RBMS3: variants seen among roughly 807,000 people sequenced by gnomAD.
RBMS3 encodes RNA-binding motif, single-stranded-interacting protein 3.
RBMS3 carries 27 observed loss-of-function variants against 66.8 expected under a neutral mutation model. The observed-to-expected ratio is 0.40, with a 90% CI of 0.30 to 0.56. RBMS3 has a LOEUF of 0.56. Ranked by LOEUF, RBMS3 falls within the 20% of genes least tolerant of loss-of-function variation. The pLI is 0.40. For synonymous variants in RBMS3, 188 were observed against 183.0 expected (o/e 1.03, Z -0.22); for missense variants, 513 against 549.5 (o/e 0.93, Z 0.66).
chr3:29,685,395 A>G (rs1433125397), intron 4 of RBMS3, among the ~76,000 whole-genome samples: 1 of 152,020 alleles, frequency 6.6e-6, no homozygotes, highest in Admixed American at 6.5e-5. Context: ...GAGTTTTAAT[A>G]CGTTCTGTAT....
intron 6 of RBMS3, among the ~76,000 whole-genome samples, chr3:29,860,092 G>A (rs1226201615): frequency 1.3e-5 from 2 of 152,320 alleles, no homozygotes; most frequent in East Asian, 1.9e-4. Flanking sequence ...ATGGGTTCCA[G>A]CATACAGTTA....
At chr3:29,717,861 G>T (rs552268234) in intron 4 of RBMS3, among the ~76,000 whole-genome samples, 1 of 152,166 alleles carries the variant, frequency 6.6e-6, no homozygotes, top group East Asian at 1.9e-4. Context: ...TGGCTTTTCT[G>T]CATCCTTAAC....
At chr3:29,454,395 C>T (rs1366879052) in intron 2 of RBMS3, among the ~76,000 whole-genome samples, 1 of 152,162 alleles carries the variant, frequency 6.6e-6, no homozygotes, top group Admixed American at 6.5e-5. Flanking sequence ...ACTGTGTCCT[C>T]CATGTTGATT....
intron 4 of RBMS3, among the ~76,000 whole-genome samples, chr3:29,668,759 G>A (rs7622575): frequency 0.11 from 17,383 of 152,202 alleles, 2,149 homozygotes; most frequent in African/African-American, 0.31. Flanking sequence ...TTAAGAGCTT[G>A]CCTGATCCTT....
intron 1 of RBMS3, among the ~76,000 whole-genome samples, chr3:29,315,613 A>C (rs1276677764): frequency 6.6e-6 from 1 of 151,702 alleles, no homozygotes; most frequent in African/African-American, 2.4e-5. Context: ...GGATCTACAT[A>C]ATTGTTTTAT....
intron 1 of RBMS3, among the ~76,000 whole-genome samples, chr3:29,372,361 A>C (rs1187924322): frequency 6.6e-6 from 1 of 152,056 alleles, no homozygotes; most frequent in Non-Finnish European, 1.5e-5. Flanking sequence ...CAAAGCATTG[A>C]TTTTATTTTA....
intron 1 of RBMS3, among the ~76,000 whole-genome samples, chr3:29,301,787 TTA>T (rs2125447007): frequency 6.6e-6 from 1 of 152,116 alleles, no homozygotes; most frequent in South Asian, 2.1e-4. Context: ...TAAAACTGAT[TTA>T]TGTTTCTTTC....
chr3:29,345,399 C>G (rs1378398061), intron 1 of RBMS3, among the ~76,000 whole-genome samples: 1 of 152,162 alleles, frequency 6.6e-6, no homozygotes, highest in Non-Finnish European at 1.5e-5. Flanking sequence ...TAACAAGAAG[C>G]TCTACATTCT....
chr3:29,747,208 C>A (rs1288433511), intron 5 of RBMS3, among the ~76,000 whole-genome samples: 1 of 152,096 alleles, frequency 6.6e-6, no homozygotes, highest in African/African-American at 2.4e-5. Context: ...GTGAATTGGG[C>A]CAATACATTT....
In RBMS3 at chr3:29,492,819, A is replaced by C. The variant is rs553829247; in HGVS notation, c.307+4320A>C. Among the ~76,000 whole-genome samples, 130 of 152,314 alleles carry C rather than the reference A, an allele frequency of 8.5e-4. 2 individuals are homozygous for C. The highest frequency in any genetic ancestry group is 3.4e-3 in the Admixed American group (52 of 15,310). On this transcript the variant is annotated intron_variant, in intron 3 of 14. Coordinates refer to ENST00000383767, the MANE Select transcript of RBMS3 (RefSeq NM_001003793.3). Reference sequence around the variant, plus strand: ...TAGTGATGGGAAACATGCAAATTAAAGCAATATGCAGTGATAGTTTATAAC... The same window carrying C: ...TAGTGATGGGAAACATGCAAATTAACGCAATATGCAGTGATAGTTTATAAC...
At chr3:29,321,898 G>A (rs2035029230) in intron 1 of RBMS3, among the ~76,000 whole-genome samples, 1 of 151,956 alleles carries the variant, frequency 6.6e-6, no homozygotes, top group South Asian at 2.1e-4. Context: ...GCTCTAAATG[G>A]TTTCCTTTTA....
intron 4 of RBMS3, among the ~76,000 whole-genome samples, chr3:29,719,122 G>A (rs2053531317): frequency 6.7e-6 from 1 of 150,236 alleles, no homozygotes; most frequent in Admixed American, 6.6e-5. Flanking sequence ...TATATCTGGG[G>A]TGGGGCCTAA....
At chr3:29,727,454 T>G (rs1477184838) in intron 4 of RBMS3, among the ~76,000 whole-genome samples, 1 of 152,180 alleles carries the variant, frequency 6.6e-6, no homozygotes, top group Non-Finnish European at 1.5e-5. Flanking sequence ...AGAAAATTTT[T>G]GCAATCTACC....
intron 1 of RBMS3, among the ~76,000 whole-genome samples, chr3:29,293,217 A>G (rs2032964609): frequency 6.6e-6 from 1 of 151,788 alleles, no homozygotes; most frequent in Admixed American, 6.6e-5. Context: ...TGTATCTAAC[A>G]TATTCATATA....
intron 6 of RBMS3, among the ~76,000 whole-genome samples, chr3:29,786,622 C>T (rs549304536): frequency 6.6e-6 from 1 of 151,994 alleles, no homozygotes; most frequent in Non-Finnish European, 1.5e-5. Context: ...ATGGTGCTGG[C>T]ATAATTGGCA....
intron 5 of RBMS3, among the ~76,000 whole-genome samples, chr3:29,759,989 A>G (rs981577279): frequency 2.0e-5 from 3 of 152,154 alleles, no homozygotes; most frequent in Admixed American, 6.6e-5. Context: ...AAAGGCTCAC[A>G]GCAGACATTC....
intron 1 of RBMS3, among the ~76,000 whole-genome samples, chr3:29,409,306 C>T (rs7619163): frequency 4.7e-5 from 7 of 150,190 alleles, no homozygotes; most frequent in African/African-American, 1.5e-4. Context: ...ACCTCAGTTG[C>T]GGCACCTCAG....
At chr3:29,407,911 C>A (rs1168207884) in intron 1 of RBMS3, among the ~76,000 whole-genome samples, 1 of 151,982 alleles carries the variant, frequency 6.6e-6, no homozygotes, top group Non-Finnish European at 1.5e-5. Flanking sequence ...ATATTAATAT[C>A]CTTAAGAGAC....
At chr3:29,591,747 T>C (rs1307241839) in intron 4 of RBMS3, among the ~76,000 whole-genome samples, 2 of 152,232 alleles carry the variant, frequency 1.3e-5, no homozygotes, top group Non-Finnish European at 2.9e-5. Flanking sequence ...CTTTCTTATT[T>C]GCTTTCTGTC....
Sources: gnomAD v4.1 joint callset for allele counts (sites outside exome capture counted in the v4.1 genomes callset) on GRCh38, gnomAD v4.1.1 for gene constraint, MANE v1.5 for transcripts, NCBI Gene and HGNC (gene_info 2026-07-23, HGNC 2026-07-21) for gene names.